STAU1: variants seen among roughly 807,000 people sequenced by gnomAD.
STAU1 encodes the protein double-stranded RNA-binding protein Staufen homolog 1.
In STAU1, 13 loss-of-function variants were observed where a neutral mutation model predicts 62.9. That is an observed-to-expected ratio of 0.21 (90% CI 0.13 to 0.33). STAU1 has a LOEUF of 0.33. STAU1 is among the 10% of genes least tolerant of loss of function. The pLI is 1.00. For missense variants in STAU1, 571 were observed against 712.1 expected, an observed-to-expected ratio of 0.80 and a Z score of 2.25; for synonymous variants, 269 against 265.1, an observed-to-expected ratio of 1.01 and a Z score of -0.14.
intron 4 of STAU1, among the ~76,000 whole-genome samples, chr20:49,152,689 T>G (rs1000278055): frequency 2.6e-5 from 4 of 152,148 alleles, no homozygotes; most frequent in Non-Finnish European, 5.9e-5. Flanking sequence ...TCCATGGCAT[T>G]TTCAGGTTTC....
intron 1 of STAU1, among the ~76,000 whole-genome samples, chr20:49,181,089 C>G (rs955043140): frequency 6.6e-6 from 1 of 152,130 alleles, no homozygotes; most frequent in Non-Finnish European, 1.5e-5. Context: ...GCATCCTCAG[C>G]AATTATTATG....
At chr20:49,136,910 C>T (rs2092898151) in intron 5 of STAU1, among the ~76,000 whole-genome samples, 1 of 152,160 alleles carries the variant, frequency 6.6e-6, no homozygotes, top group Admixed American at 6.5e-5. Context: ...GTTGGTCAGG[C>T]TGGTCTCGAA....
At chr20:49,153,843 C>G (rs1378193055) in intron 4 of STAU1, 90 bp downstream of exon 4, 1 of 1,341,076 alleles carries the variant, frequency 7.5e-7, no homozygotes, top group Non-Finnish European at 9.8e-7. Context: ...AATCATTACT[C>G]CCTCCACAAT....
upstream of STAU1, among the ~76,000 whole-genome samples, chr20:49,189,401 G>A (rs902552188): frequency 2.0e-5 from 3 of 151,392 alleles, no homozygotes; most frequent in Non-Finnish European, 2.9e-5. Flanking sequence ...TTGGGAGGCC[G>A]AGGTGGGCGG....
chr20:49,171,935 A>G (rs2093602649), intron 2 of STAU1, among the ~76,000 whole-genome samples: 1 of 151,614 alleles, frequency 6.6e-6, no homozygotes, highest in Non-Finnish European at 1.5e-5. Context: ...AAAAAAAAAA[A>G]GAAACAAATC....
chr20:49,208,314 AC>A, the STAU1 span, among the ~76,000 whole-genome samples: 1 of 151,774 alleles, frequency 6.6e-6, no homozygotes, highest in Admixed American at 6.6e-5. Context: ...CACCTCAGTG[AC>A]CCAAAGTGCT....
intron 13 of STAU1, among the ~76,000 whole-genome samples, 170 bp from the exon 14 acceptor site, chr20:49,115,063 G>T (rs1257508221): frequency 3.3e-5 from 5 of 152,112 alleles, no homozygotes; most frequent in African/African-American, 9.7e-5. Flanking sequence ...TACGCAAGGA[G>T]AGTGTGTGTA....
At chr20:49,139,914 G>C (rs532877909) in intron 5 of STAU1, among the ~76,000 whole-genome samples, 35 of 151,260 alleles carry the variant, frequency 2.3e-4, no homozygotes, top group African/African-American at 6.3e-4. Context: ...CAGTGCGTGC[G>C]GTGGCTCACA....
chr20:49,175,798 C>CTTTTTTT lies in STAU1; in HGVS notation c.-159-1536_-159-1530dup, dbSNP rs386393906. Among the ~76,000 whole-genome samples the CTTTTTTT allele has an allele frequency of 3.1e-3, 327 of 104,788 alleles. 21 individuals carry two copies. Among genetic ancestry groups the CTTTTTTT allele is most frequent in the African/African-American group, 0.01 (292 of 27,878 alleles). 68.7% of individuals were successfully genotyped at this position (104,788 alleles called of 152,430 possible). ...GCCACCACACCCAACCTCATAATGCCTTTTTTTTTTTTTTTTGAGACGGAG... is the reference window on the plus strand; with the variant it reads ...GCCACCACACCCAACCTCATAATGCCTTTTTTTTTTTTTTTTTTTTTTTGAGACGGAG... On this transcript the variant is annotated intron_variant, in intron 1 of 13. Coordinates refer to ENST00000371856, the MANE Select transcript of STAU1 (RefSeq NM_017453.4).
intron 7 of STAU1, among the ~76,000 whole-genome samples, chr20:49,124,065 T>C (rs1481872925): frequency 6.6e-6 from 1 of 152,200 alleles, no homozygotes; most frequent in African/African-American, 2.4e-5. Flanking sequence ...CAGGCACTGT[T>C]ATTTCACCAC....
At chr20:49,144,677 C>T (rs895351958) in intron 5 of STAU1, among the ~76,000 whole-genome samples, 3 of 152,132 alleles carry the variant, frequency 2.0e-5, no homozygotes, top group African/African-American at 7.2e-5. Flanking sequence ...AAAAAGGAGA[C>T]TCAAAAGATG....
rs1352088849 is a variant in STAU1, at chr20:49,118,081, T to C, written c.1205A>G (p.Glu402Gly). 2 of 1,613,958 alleles carry C rather than the reference T, an allele frequency of 1.2e-6. No homozygotes were observed. The highest frequency in any genetic ancestry group is 1.7e-6 in the Non-Finnish European group (2 of 1,179,920). ...ATGACTTAGATAAGGCATCCTGAAC[T>C]CATCCTCTTTATTACCTGGGAGGGA... ...DENGTSNKEDEFRMPYLSHQQ... is the reference protein window; with the variant it reads ...DENGTSNKEDGFRMPYLSHQQ... The change falls in exon 11 of 14, where the codon GAG becomes GGG. Residue 402 changes from glutamate (E) to glycine (G), a missense_variant. Around this residue, in one of 3 missense-constraint regions of STAU1, gnomAD observed 414 missense variants for 499.6 expected, o/e 0.83. Transcript: ENST00000371856.
intron 9 of STAU1, among the ~76,000 whole-genome samples, chr20:49,119,312 G>C (rs1369423378): frequency 6.6e-6 from 1 of 152,022 alleles, no homozygotes; most frequent in African/African-American, 2.4e-5. Context: ...CTTGTAGCTC[G>C]GGCTACAGGT....
At chr20:49,125,198 C>CAAAAAAAAAAACAA (rs2092572309) in intron 6 of STAU1, among the ~76,000 whole-genome samples, 1 of 33,716 alleles carries the variant, frequency 3.0e-5, no homozygotes, top group African/African-American at 9.1e-5. Flanking sequence ...CTCATTTTTG[C>CAAAAAAAAAAACAA]AAAAAAAAAA....
intron 3 of STAU1, among the ~76,000 whole-genome samples, chr20:49,154,902 C>G (rs1189871397): frequency 6.8e-6 from 1 of 147,094 alleles, no homozygotes; most frequent in Non-Finnish European, 1.5e-5. Context: ...CTGGCTAACA[C>G]GGTGAAACCC....
At chr20:49,189,201 CAAAAAAAAAAAAAAAAAAAAAAAAAAAA>C, upstream of STAU1, among the ~76,000 whole-genome samples, 1 of 33,622 alleles carries the variant, frequency 3.0e-5, no homozygotes, top group Non-Finnish European at 5.2e-5. Context: ...ACACTGGTCT[CAAAAAAAAAAAAAAAAAAAAAAAAAAAA>C]AAAAAAAAAA....
the STAU1 span, among the ~76,000 whole-genome samples, chr20:49,210,282 A>G: frequency 6.6e-6 from 1 of 152,008 alleles, no homozygotes; most frequent in African/African-American, 2.4e-5. Context: ...AGGGGTGGAC[A>G]CTACATATCT....
At chr20:49,163,301 CT>C (rs533231364) in intron 3 of STAU1, among the ~76,000 whole-genome samples, 4 of 150,632 alleles carry the variant, frequency 2.7e-5, no homozygotes, top group Non-Finnish European at 5.9e-5. Flanking sequence ...TCCCCACTCC[CT>C]TTTTTTTTCT....
upstream of STAU1, among the ~76,000 whole-genome samples, chr20:49,189,864 C>T (rs1329001415): frequency 6.6e-6 from 1 of 152,082 alleles, no homozygotes; most frequent in South Asian, 2.1e-4. Flanking sequence ...ATTCAAAATA[C>T]GAGCTGCTGT....
Sources: gnomAD v4.1 joint callset for allele counts (sites outside exome capture counted in the v4.1 genomes callset) on GRCh38, gnomAD v4.1.1 for gene constraint, gnomAD v4.1.1 regional missense constraint, MANE v1.5 for transcripts, NCBI Gene and HGNC (gene_info 2026-07-23, HGNC 2026-07-21) for gene names.